PCGF3: variants seen among roughly 807,000 people sequenced by gnomAD.
PCGF3 encodes the protein polycomb group RING finger protein 3.
PCGF3 carries 7 observed loss-of-function variants against 33.1 expected under a neutral mutation model. The ratio of observed to expected loss-of-function variants is 0.21; its 90% CI spans 0.12 to 0.40. The LOEUF is 0.40. Among genes scored for constraint, PCGF3 ranks in the 10% least tolerant of loss-of-function variants. PCGF3 has a pLI of 1.00. For missense variants in PCGF3, 211 were observed against 313.3 expected, an observed-to-expected ratio of 0.67 and a Z score of 2.46; for synonymous variants, 153 against 121.3, an observed-to-expected ratio of 1.26 and a Z score of -1.72.
intron 1 of PCGF3, among the ~76,000 whole-genome samples, chr4:714,852 A>C (rs1248710433): frequency 3.3e-5 from 5 of 152,260 alleles, no homozygotes; most frequent in Non-Finnish European, 1.5e-5. Context: ...TTACAGCTTC[A>C]AAAGTCCCTT....
At chr4:739,084 C>G (rs749487799) in intron 6 of PCGF3, among the ~76,000 whole-genome samples, 2 of 152,184 alleles carry the variant, frequency 1.3e-5, no homozygotes, top group Non-Finnish European at 2.9e-5. Flanking sequence ...CTTCTTAAAG[C>G]TCATAACCAC....
At chr4:765,973 T>A in intron 10 of PCGF3, 59 bp from the exon 11 acceptor site, 1 of 1,490,686 alleles carries the variant, frequency 6.7e-7, no homozygotes, top group East Asian at 2.3e-5. Context: ...CCCGATGAAG[T>A]AGGTCCTTCT....
At chr4:737,292 A>G (rs555688663) in intron 5 of PCGF3, among the ~76,000 whole-genome samples, 174 bp from the exon 6 acceptor site, 2 of 152,228 alleles carry the variant, frequency 1.3e-5, no homozygotes, top group Admixed American at 6.5e-5. Flanking sequence ...TGACGCGTTA[A>G]TTCAGCTCAT....
At chr4:750,092 C>T (rs755280482) in intron 8 of PCGF3, among the ~76,000 whole-genome samples, 1 of 152,252 alleles carries the variant, frequency 6.6e-6, no homozygotes, top group Non-Finnish European at 1.5e-5. Flanking sequence ...GGCGTGAGCC[C>T]ACGTGCCCGC....
chr4:755,747 T>TC (rs1440748284), intron 8 of PCGF3, among the ~76,000 whole-genome samples: 1 of 151,964 alleles, frequency 6.6e-6, no homozygotes, highest in African/African-American at 2.4e-5. Flanking sequence ...CACTCTCAGG[T>TC]CCCCCTGGGC....
chr4:728,452 G>T lies in PCGF3; in HGVS notation c.-189-2178G>T, dbSNP rs747984487. On this transcript the variant is annotated intron_variant, in intron 1 of 10. Coordinates refer to ENST00000362003, the Ensembl canonical transcript of PCGF3. Reference sequence around the variant, plus strand: ...TGGCGTGCACAGCGTGTTAAGTGTCGTAAGTAATCTGGGGATGGCGTAGAG... The same window carrying T: ...TGGCGTGCACAGCGTGTTAAGTGTCTTAAGTAATCTGGGGATGGCGTAGAG... 2.0e-5 allele frequency among the ~76,000 whole-genome samples: 3 copies of T among 151,936 alleles called. No homozygotes were observed. The South Asian group carries it at 6.3e-4, about 32-fold the overall frequency.
chr4:728,944 A>G (rs1743437666), intron 1 of PCGF3, among the ~76,000 whole-genome samples: 1 of 151,938 alleles, frequency 6.6e-6, no homozygotes, highest in African/African-American at 2.4e-5. Flanking sequence ...TACTAAAAAT[A>G]TAAAAGTTAA....
At chr4:719,873 C>G (rs1490840295) in intron 1 of PCGF3, among the ~76,000 whole-genome samples, 1 of 152,182 alleles carries the variant, frequency 6.6e-6, no homozygotes, top group Non-Finnish European at 1.5e-5. Flanking sequence ...CCTCCCTTGG[C>G]AGTCGGAGCG....
chr4:720,803 A>G lies in PCGF3; in HGVS notation c.-189-9827A>G, dbSNP rs569905783. ...CCGACGTGACTGCGCTGGCATGGGAAGCAGAGGGTGAGGCTCGGCTCTGCT... is the reference window on the plus strand; with the variant it reads ...CCGACGTGACTGCGCTGGCATGGGAGGCAGAGGGTGAGGCTCGGCTCTGCT... On this transcript the variant is annotated intron_variant, in intron 1 of 10. Transcript: ENST00000362003. The surrounding 1 kb of genome is among the most constrained non-coding windows in gnomAD (Gnocchi z 5.6). Among the ~76,000 whole-genome samples, 5 of 152,210 alleles carry G rather than the reference A, an allele frequency of 3.3e-5. No homozygotes were observed. Among genetic ancestry groups the G allele is most frequent in the Admixed American group, 1.3e-4 (2 of 15,302 alleles).
chr4:713,931 T>A, intron 1 of PCGF3, among the ~76,000 whole-genome samples: 1 of 152,134 alleles, frequency 6.6e-6, no homozygotes, highest in Non-Finnish European at 1.5e-5. Flanking sequence ...TTTACCCAAG[T>A]TTTTGTTAAG....
intron 8 of PCGF3, among the ~76,000 whole-genome samples, chr4:749,712 C>A (rs1377170274): frequency 1.3e-5 from 2 of 152,116 alleles, no homozygotes; most frequent in Non-Finnish European, 2.9e-5. Flanking sequence ...GTCTTGAACT[C>A]CTGACCTCGT....
At position 753,088 on chromosome 4, in the gene PCGF3, G is replaced by C. The variant is rs568300345; in HGVS notation, c.463-8191G>C. 6.6e-5 allele frequency among the ~76,000 whole-genome samples: 10 copies of C among 152,386 alleles called. No individual in the cohort carries two copies. The South Asian group carries it at 2.1e-3, about 32-fold the overall frequency. On this transcript the variant is annotated intron_variant, in intron 8 of 10. Transcript: ENST00000362003. ...CTGGGTGCTGATGGCTCACACACCT[G>C]AGCTGCCAGGTGGCCCAGGAGAGGG...
intron 1 of PCGF3, among the ~76,000 whole-genome samples, chr4:717,352 T>C (rs1164382168): frequency 1.3e-5 from 2 of 149,880 alleles, no homozygotes; most frequent in East Asian, 4.0e-4. Flanking sequence ...GAGAACTGGG[T>C]GTCAGTGCTG....
rs573984780 is a variant in PCGF3 at position 724,893 on chromosome 4, C to T, written c.-189-5737C>T. Among the ~76,000 whole-genome samples the T allele has an allele frequency of 2.2e-4, 33 of 151,896 alleles. No individual in the cohort carries two copies. In the South Asian group the frequency reaches 5.6e-3, roughly 26 times the overall value. On this transcript the variant is annotated intron_variant, in intron 1 of 10. Coordinates refer to ENST00000362003, the Ensembl canonical transcript of PCGF3. The stretch of plus-strand genomic sequence containing the variant: ...GACAGAATTGCTTGAATCCAGGAGG[C>T]AGAAGTTGCAGTGAGCTGAGATCAC...
chr4:722,402 G>A (rs1487891436), intron 1 of PCGF3: 5 of 197,180 alleles, frequency 2.5e-5, no homozygotes, highest in South Asian at 6.9e-5. Context: ...AGGCAGCGGC[G>A]TGGCTGGCGT....
At chr4:708,679 T>G (rs754010479) in intron 1 of PCGF3, among the ~76,000 whole-genome samples, 1 of 152,194 alleles carries the variant, frequency 6.6e-6, no homozygotes, top group Non-Finnish European at 1.5e-5. Context: ...GTGGTCCGTG[T>G]CCAGCACCTT....
intron 4 of PCGF3, chr4:734,368 G>C (rs958030813): frequency 2.6e-5 from 36 of 1,406,138 alleles, no homozygotes; most frequent in Non-Finnish European, 3.2e-5. Context: ...CTTGATGGCT[G>C]GGGAGCATTT....
rs1045068272 is a variant in PCGF3 at position 765,125 on chromosome 4, C to G, written c.681+61C>G. On this transcript the variant is annotated intron_variant, in intron 10 of 10. Transcript: ENST00000362003. ...GAATGGCAGTGACTTTGCTGTGCAT[C>G]TCTTATCTAAAATGTTAAATGACTC... 6 of 1,178,078 alleles carry G rather than the reference C, an allele frequency of 5.1e-6. No individual in the cohort carries two copies. The Admixed American group carries it at 1.1e-4, about 21-fold the overall frequency. 73.0% of individuals were successfully genotyped at this position (1,178,078 alleles called of 1,614,324 possible). A position where few individuals can be genotyped will look rare whatever the true frequency, so the allele number is the denominator to read the frequency against.
intron 8 of PCGF3, among the ~76,000 whole-genome samples, chr4:748,204 T>C (rs1376941761): frequency 1.1e-5 from 1 of 88,804 alleles, no homozygotes; most frequent in Non-Finnish European, 2.8e-5. Flanking sequence ...CTAGAGAACT[T>C]TTTTTTTTTT....
Sources: gnomAD v4.1 joint callset for allele counts (sites outside exome capture counted in the v4.1 genomes callset) on GRCh38, gnomAD v4.1.1 for gene constraint, Gnocchi (gnomAD v3.1) non-coding constraint, MANE v1.5 for transcripts, NCBI Gene and HGNC (gene_info 2026-07-23, HGNC 2026-07-21) for gene names.